Variants in SEMA3E observed in about 807,000 individuals in gnomAD.
SEMA3E encodes semaphorin 3E.
Under a neutral mutation model 93.6 loss-of-function variants are expected in SEMA3E, and 49 were observed. The observed-to-expected ratio is 0.52, with a 90% CI of 0.42 to 0.66. SEMA3E has a LOEUF of 0.66. SEMA3E is among the 30% of genes least tolerant of loss of function. The probability of loss-of-function intolerance (pLI) is 0.00; values close to 1 mark genes in which losing one functional copy is unlikely to be tolerated. For missense variants in SEMA3E, 906 were observed against 964.8 expected (o/e 0.94, Z 0.81); for synonymous variants, 363 against 330.7 (o/e 1.10, Z -1.06).
chr7:83,620,245 A>C (rs1438349550), intron 1 of SEMA3E, among the ~76,000 whole-genome samples: 1 of 152,016 alleles, frequency 6.6e-6, no homozygotes, highest in Non-Finnish European at 1.5e-5. Flanking sequence ...TTGTTCACTG[A>C]CTTTGGTGTA....
chr7:83,371,172 G>GT (rs1794744460), intron 16 of SEMA3E, among the ~76,000 whole-genome samples: 1 of 152,128 alleles, frequency 6.6e-6, no homozygotes, highest in African/African-American at 2.4e-5. Flanking sequence ...CAGTGTTAGT[G>GT]TTTATGTTTA....
intron 1 of SEMA3E, among the ~76,000 whole-genome samples, chr7:83,583,448 C>A (rs965324082): frequency 6.6e-6 from 1 of 152,080 alleles, no homozygotes; most frequent in African/African-American, 2.4e-5. Context: ...ACTGTGAATC[C>A]ATCCCTGTGC....
At chr7:83,611,990 CCACTGTTAGAATTCA>C in intron 1 of SEMA3E, among the ~76,000 whole-genome samples, 1 of 152,138 alleles carries the variant, frequency 6.6e-6, no homozygotes, top group African/African-American at 2.4e-5. Flanking sequence ...CCTGCTCCCT[CCACTGTTAGAATTCA>C]CAGAAGGTAT....
chr7:83,512,750 C>T (rs577198655), intron 1 of SEMA3E, among the ~76,000 whole-genome samples: 1 of 152,202 alleles, frequency 6.6e-6, no homozygotes, highest in East Asian at 1.9e-4. Context: ...TATGATGATA[C>T]AACGTATATA....
intron 1 of SEMA3E, among the ~76,000 whole-genome samples, chr7:83,510,528 C>G (rs545270298): frequency 6.6e-6 from 1 of 152,210 alleles, no homozygotes; most frequent in African/African-American, 2.4e-5. Context: ...TGCTTCCAAA[C>G]TTTTTCCTTC....
At chr7:83,643,063 A>G (rs1038936788) in intron 1 of SEMA3E, among the ~76,000 whole-genome samples, 2 of 152,086 alleles carry the variant, frequency 1.3e-5, no homozygotes, top group Admixed American at 1.3e-4. Context: ...TTGATGAAAT[A>G]AAACTGACTG....
At chr7:83,458,951 A>ATGTG (rs1428322558) in intron 4 of SEMA3E, among the ~76,000 whole-genome samples, 18 of 74,744 alleles carry the variant, frequency 2.4e-4, no homozygotes, top group African/African-American at 5.9e-4. Flanking sequence ...ACACATATGT[A>ATGTG]TATGTGTGTG....
chr7:83,528,916 G>A (rs567189115), intron 1 of SEMA3E, among the ~76,000 whole-genome samples: 3 of 152,064 alleles, frequency 2.0e-5, no homozygotes, highest in South Asian at 2.1e-4. Context: ...GTTTAAATAC[G>A]TGAAAAATAT....
intron 1 of SEMA3E, among the ~76,000 whole-genome samples, chr7:83,534,802 T>G (rs7779084): frequency 0.53 from 80,161 of 152,134 alleles, 23,461 homozygotes; most frequent in Middle Eastern, 0.7. Flanking sequence ...TTATTATTTG[T>G]CTTTACAGAA....
chr7:83,532,898 A>G (rs12155037), intron 1 of SEMA3E, among the ~76,000 whole-genome samples: 80,085 of 151,808 alleles, frequency 0.53, 23,472 homozygotes, highest in Middle Eastern at 0.69. Context: ...TAATGTAAGA[A>G]ATTCTCACCA....
intron 4 of SEMA3E, chr7:83,424,934 G>T: frequency 3.7e-6 from 1 of 272,198 alleles, no homozygotes; most frequent in South Asian, 5.1e-5. Flanking sequence ...TGTGTGGGAG[G>T]GTAGCTGGAT....
intron 1 of SEMA3E, among the ~76,000 whole-genome samples, chr7:83,609,028 T>G: frequency 6.6e-6 from 1 of 152,106 alleles, no homozygotes; most frequent in South Asian, 2.1e-4. Context: ...TCTGAGAAAT[T>G]ACTAAGTATT....
rs1050657744 is a variant in SEMA3E at position 83,363,959 on chromosome 7, A to G, written c.*3627T>C. ...CCGGACTGCGGACTGCAGTGGCGCA[A>G]TCTCGGCTCACTGCAAGCTCCGCTT... On this transcript the variant is annotated 3_prime_UTR_variant, in exon 17 of 17. Transcript: ENST00000643230. 63 of 134,342 alleles carry G rather than the reference A, an allele frequency of 4.7e-4. No individual in the cohort carries two copies. The highest frequency in any genetic ancestry group is 1.6e-3 in the South Asian group (7 of 4,312). The allele number at this position is 134,342 out of a possible 1,614,324, so 8.3% of individuals were successfully genotyped here.
intron 4 of SEMA3E, among the ~76,000 whole-genome samples, chr7:83,448,632 C>G (rs1330534095): frequency 6.6e-6 from 1 of 152,192 alleles, no homozygotes; most frequent in East Asian, 1.9e-4. Context: ...ATTTTAATGT[C>G]TTCAGGTATA....
At chr7:83,479,115 C>T (rs1277233549) in intron 2 of SEMA3E, among the ~76,000 whole-genome samples, 1 of 152,204 alleles carries the variant, frequency 6.6e-6, no homozygotes, top group Non-Finnish European at 1.5e-5. Context: ...ACCCTTACTG[C>T]ATACCCTCTT....
At chr7:83,452,939 T>G (rs76370320) in intron 4 of SEMA3E, among the ~76,000 whole-genome samples, 1 of 152,142 alleles carries the variant, frequency 6.6e-6, no homozygotes, top group Admixed American at 6.5e-5. Context: ...GAAGAAACAA[T>G]GTAGAAAATG....
At chr7:83,540,210 A>T (rs1265407237) in intron 1 of SEMA3E, among the ~76,000 whole-genome samples, 1 of 152,186 alleles carries the variant, frequency 6.6e-6, no homozygotes, top group Non-Finnish European at 1.5e-5. Flanking sequence ...GGTGTTGTAG[A>T]ACAAATACAA....
At position 83,390,861 on chromosome 7, in the gene SEMA3E, T is replaced by C. The variant is rs551833121; in HGVS notation, c.1667+1694A>G. On this transcript the variant is annotated intron_variant, in intron 14 of 16. Coordinates refer to ENST00000643230, the MANE Select transcript of SEMA3E (RefSeq NM_012431.3). ...CTCTTTTTGTCCACCACATCTACTG[T>C]ATTAACAAGCTTAAGGCTGGACACT... Among the ~76,000 whole-genome samples, 432 of 152,306 alleles carry C rather than the reference T, an allele frequency of 2.8e-3. 3 individuals carry two copies. The highest frequency in any genetic ancestry group is 4.9e-3 in the Non-Finnish European group (332 of 68,014).
chr7:83,435,568 C>A (rs1280489011), intron 4 of SEMA3E, among the ~76,000 whole-genome samples: 1 of 151,616 alleles, frequency 6.6e-6, no homozygotes, highest in Non-Finnish European at 1.5e-5. Context: ...TGCACTCCAG[C>A]GTGGGAGACA....
Sources: gnomAD v4.1 joint callset for allele counts (sites outside exome capture counted in the v4.1 genomes callset) on GRCh38, gnomAD v4.1.1 for gene constraint, MANE v1.5 for transcripts, NCBI Gene and HGNC (gene_info 2026-07-23, HGNC 2026-07-21) for gene names.